DLG2: variants seen among roughly 807,000 people sequenced by gnomAD.
DLG2 encodes the protein discs large MAGUK scaffold protein 2.
Under a neutral mutation model 132.5 loss-of-function variants are expected in DLG2, and 45 were observed. That is an observed-to-expected ratio of 0.34 (90% confidence interval 0.27 to 0.44). The LOEUF (loss-of-function observed/expected upper bound fraction) is 0.44, where lower values mean the gene tolerates loss of function less well. Ranked by LOEUF, DLG2 falls within the 20% of genes least tolerant of loss-of-function variation. The probability of loss-of-function intolerance (pLI) is 1.00; values close to 1 mark genes in which losing one functional copy is unlikely to be tolerated. For synonymous variants in DLG2, 424 were observed against 419.6 expected, an observed-to-expected ratio of 1.01 and a Z score of -0.13; for missense variants, 1,045 against 1,196.9, an observed-to-expected ratio of 0.87 and a Z score of 1.87.
Position 85,247,848 on chromosome 11 carries a change from T to A in DLG2, c.186+37372A>T, listed in dbSNP as rs995341012. Reference sequence around the variant, plus strand: ...TATATATTATATTAGATACTTCTGTTGATCCTTCTATTTCAATGTCTCAGC... The same window carrying A: ...TATATATTATATTAGATACTTCTGTAGATCCTTCTATTTCAATGTCTCAGC... On this transcript the variant is annotated intron_variant, in intron 4 of 27. Transcript: ENST00000376104. Among the ~76,000 whole-genome samples the A allele has an allele frequency of 2.6e-5, 4 of 152,098 alleles. No individual in the cohort carries two copies. The East Asian group carries it at 7.7e-4, about 29-fold the overall frequency.
At chr11:84,730,763 A>C (rs1203295953) in intron 6 of DLG2, among the ~76,000 whole-genome samples, 14 of 152,002 alleles carry the variant, frequency 9.2e-5, no homozygotes, top group Non-Finnish European at 1.2e-4. Flanking sequence ...GAGGTGTCTT[A>C]CATACCCCCA....
At chr11:85,441,944 G>C (rs2091800698) in intron 3 of DLG2, among the ~76,000 whole-genome samples, 1 of 151,970 alleles carries the variant, frequency 6.6e-6, no homozygotes, top group South Asian at 2.1e-4. Flanking sequence ...GTAAAGGAAG[G>C]ATTTTCTGAC....
chr11:85,360,247 G>A (rs1271768769), intron 3 of DLG2, among the ~76,000 whole-genome samples: 1 of 152,160 alleles, frequency 6.6e-6, no homozygotes, highest in East Asian at 1.9e-4. Flanking sequence ...GAGAATATAG[G>A]CTGTAATGTC....
At chr11:84,317,196 TCCTCC>T in intron 7 of DLG2, 1 of 1,554,466 alleles carries the variant, frequency 6.4e-7, no homozygotes, top group South Asian at 1.2e-5. Flanking sequence ...CAGAAATGTC[TCCTCC>T]CTCACACCCC....
At chr11:83,898,702 A>G (rs1166376510) in intron 15 of DLG2, among the ~76,000 whole-genome samples, 2 of 152,104 alleles carry the variant, frequency 1.3e-5, no homozygotes, top group Admixed American at 6.5e-5. Flanking sequence ...TCCTTCTCCA[A>G]TTACTCCTAC....
At chr11:85,536,799 A>G (rs1199552059) in intron 3 of DLG2, among the ~76,000 whole-genome samples, 1 of 152,188 alleles carries the variant, frequency 6.6e-6, no homozygotes, top group Non-Finnish European at 1.5e-5. Context: ...ATGATTGGCC[A>G]CAATACCAGG....
rs1206168295 is a variant in DLG2 at position 84,019,423 on chromosome 11, T to C, written c.920-38781A>G. Among the ~76,000 whole-genome samples, 3 of 152,148 alleles carry C rather than the reference T, an allele frequency of 2.0e-5. No homozygotes were observed. In the East Asian group the frequency reaches 5.8e-4, roughly 29 times the overall value. On this transcript the variant is annotated intron_variant, in intron 11 of 27. Coordinates refer to ENST00000376104, the MANE Select transcript of DLG2 (RefSeq NM_001142699.3). The stretch of plus-strand genomic sequence containing the variant: ...GAAGGGTGAAACAAAGAAAGGTACA[T>C]TTCTCTACAAAATAACAGATCATGA...
At chr11:84,726,529 T>C (rs2062482178) in intron 6 of DLG2, among the ~76,000 whole-genome samples, 1 of 152,188 alleles carries the variant, frequency 6.6e-6, no homozygotes, top group Admixed American at 6.5e-5. Context: ...GACATTTGGG[T>C]TGGTTCCAAG....
chr11:84,911,164 A>G (rs1258665777), intron 6 of DLG2, among the ~76,000 whole-genome samples: 1 of 152,178 alleles, frequency 6.6e-6, no homozygotes, highest in African/African-American at 2.4e-5. Context: ...AATAAGGTGC[A>G]ATGTTAATAC....
intron 21 of DLG2, among the ~76,000 whole-genome samples, chr11:83,514,741 G>A (rs539667514): frequency 9.9e-5 from 15 of 152,026 alleles, no homozygotes; most frequent in Admixed American, 9.8e-4. Flanking sequence ...TAGCATGAAG[G>A]GTTGTTGAAT....
intron 21 of DLG2, among the ~76,000 whole-genome samples, chr11:83,498,670 A>G (rs1378561288): frequency 7.9e-6 from 1 of 126,756 alleles, no homozygotes; most frequent in Non-Finnish European, 1.7e-5. Context: ...AACCTAAAGC[A>G]AGGAGAAAAA....
At chr11:83,616,270 T>A (rs1240571894) in intron 19 of DLG2, among the ~76,000 whole-genome samples, 1 of 152,204 alleles carries the variant, frequency 6.6e-6, no homozygotes, top group African/African-American at 2.4e-5. Context: ...TAGGGATAGA[T>A]CATAGGGTAT....
intron 7 of DLG2, among the ~76,000 whole-genome samples, chr11:84,411,514 G>A (rs957641559): frequency 3.3e-5 from 5 of 151,510 alleles, no homozygotes; most frequent in Admixed American, 6.6e-5. Flanking sequence ...GAGAAAGTGG[G>A]CAATGACTCT....
intron 6 of DLG2, among the ~76,000 whole-genome samples, chr11:84,981,637 T>A (rs924697907): frequency 6.6e-6 from 1 of 152,138 alleles, no homozygotes; most frequent in Non-Finnish European, 1.5e-5. Context: ...TGAAAACTTA[T>A]TAAGAAGCCC....
chr11:85,495,964 T>A (rs1322636064), intron 3 of DLG2, among the ~76,000 whole-genome samples: 2 of 152,208 alleles, frequency 1.3e-5, no homozygotes, highest in African/African-American at 4.8e-5. Flanking sequence ...AGCTCAGCTC[T>A]ACAGCTCCCA....
intron 8 of DLG2, among the ~76,000 whole-genome samples, chr11:84,166,531 AAAG>A (rs2095669769): frequency 6.6e-6 from 1 of 151,234 alleles, no homozygotes; most frequent in Non-Finnish European, 1.5e-5. Flanking sequence ...GAAAAGAAAG[AAAG>A]AAAGAAAGAA....
chr11:84,599,420 T>A (rs76990113), intron 6 of DLG2, among the ~76,000 whole-genome samples: 1 of 152,150 alleles, frequency 6.6e-6, no homozygotes. Flanking sequence ...TCCAGGCATG[T>A]TGGGTCATTC....
chr11:84,412,635 A>C (rs1373415801), intron 7 of DLG2, among the ~76,000 whole-genome samples: 1 of 152,224 alleles, frequency 6.6e-6, no homozygotes, highest in Non-Finnish European at 1.5e-5. Context: ...GTAAACTGCC[A>C]CATGCCCTAG....
At chr11:84,443,986 C>T (rs536605455) in intron 7 of DLG2, among the ~76,000 whole-genome samples, 13 of 147,828 alleles carry the variant, frequency 8.8e-5, no homozygotes, top group African/African-American at 3.0e-4. Context: ...AAATGTTTTG[C>T]TTTTCATCAA....
Sources: allele counts gnomAD v4.1 joint callset (sites outside exome capture counted in the v4.1 genomes callset), GRCh38; gene constraint gnomAD v4.1.1; transcripts MANE v1.5; gene names NCBI Gene and HGNC (gene_info 2026-07-23, HGNC 2026-07-21).